The following CSMD1 variants were observed in gnomAD, a reference collection of about 807,000 sequenced individuals.
The protein encoded by CSMD1 is CUB and Sushi multiple domains 1.
A neutral mutation model predicts 417.5 loss-of-function variants in CSMD1; 213 were observed. The observed-to-expected ratio is 0.51, with a 90% CI of 0.46 to 0.57. The LOEUF (loss-of-function observed/expected upper bound fraction) is 0.57, where lower values mean the gene tolerates loss of function less well. CSMD1 is among the 20% of genes least tolerant of loss of function. The probability of loss-of-function intolerance (pLI) is 0.00; values close to 1 mark genes in which losing one functional copy is unlikely to be tolerated. For missense variants in CSMD1, 6,923 were observed against 4,529.7 expected (o/e 1.53, Z -15.17); for synonymous variants, 2,862 against 1,736.8 (o/e 1.65, Z -16.11).
At chr8:3,998,708 C>T (rs1023022880) in intron 4 of CSMD1, among the ~76,000 whole-genome samples, 13 of 151,616 alleles carry the variant, frequency 8.6e-5, no homozygotes, top group Admixed American at 8.5e-4. Flanking sequence ...AAGTGAAAGG[C>T]CAGTAAAGAT....
chr8:4,937,780 G>A lies in CSMD1; in HGVS notation c.85+56552C>T, dbSNP rs200347123. Among the ~76,000 whole-genome samples the A allele has an allele frequency of 2.1e-3, 304 of 144,728 alleles. 1 individual carries two copies. Among genetic ancestry groups the A allele is most frequent in the Admixed American group, 0.014 (205 of 14,364 alleles). The allele number at this position is 144,728 out of a possible 152,430, so 94.9% of individuals were successfully genotyped here. ...AGAGAGAAGTTTCTCACACAGTGGC[G>A]CGTGCACACACACACACACACACAC... On this transcript the variant is annotated intron_variant, in intron 1 of 69. Transcript: ENST00000635120.
intron 6 of CSMD1, 58 bp from the exon 7 acceptor site, chr8:3,708,549 T>C: frequency 4.9e-6 from 7 of 1,439,002 alleles, no homozygotes; most frequent in South Asian, 1.1e-5. Flanking sequence ...TAAAACCATG[T>C]TGTATCCACA....
chr8:3,806,449 G>A (rs7015612), intron 5 of CSMD1, among the ~76,000 whole-genome samples: 58,700 of 151,998 alleles, frequency 0.39, 11,680 homozygotes, highest in East Asian at 0.46. Context: ...GAATAATGAA[G>A]GCAATTTGAA....
chr8:4,426,604 TATAA>T (rs1262523889), intron 2 of CSMD1, among the ~76,000 whole-genome samples: 1 of 107,710 alleles, frequency 9.3e-6, no homozygotes, highest in African/African-American at 3.7e-5. Flanking sequence ...GTATATATAC[TATAA>T]ATTATATTGT....
chr8:4,643,342 G>A (rs979202069), intron 1 of CSMD1, among the ~76,000 whole-genome samples: 22 of 152,246 alleles, frequency 1.4e-4, no homozygotes, highest in Middle Eastern at 3.4e-3. Context: ...AAATTACTGT[G>A]TAAACGAGAA....
intron 1 of CSMD1, among the ~76,000 whole-genome samples, chr8:4,809,165 A>C (rs571503741): frequency 3.4e-4 from 52 of 152,372 alleles, no homozygotes; most frequent in Non-Finnish European, 6.5e-4. Flanking sequence ...ACATACATTC[A>C]TGATAAATAC....
At chr8:3,838,060 A>T (rs1396609209) in intron 5 of CSMD1, among the ~76,000 whole-genome samples, 1 of 152,112 alleles carries the variant, frequency 6.6e-6, no homozygotes, top group African/African-American at 2.4e-5. Flanking sequence ...GTGACTTGGA[A>T]ACGGTTGTAG....
chr8:4,235,132 G>C (rs752670832), intron 3 of CSMD1, among the ~76,000 whole-genome samples: 1 of 152,026 alleles, frequency 6.6e-6, no homozygotes, highest in Non-Finnish European at 1.5e-5. Flanking sequence ...CTAGAAAAAA[G>C]ACTTCCTCCG....
intron 5 of CSMD1, among the ~76,000 whole-genome samples, chr8:3,786,646 G>C (rs181856146): frequency 7.2e-5 from 11 of 152,252 alleles, no homozygotes; most frequent in Middle Eastern, 3.4e-3. Context: ...TAGTTCACTC[G>C]AGATGCTATG....
At chr8:3,986,762 T>TC (rs200118943) in intron 5 of CSMD1, among the ~76,000 whole-genome samples, 1 of 135,234 alleles carries the variant, frequency 7.4e-6, no homozygotes, top group African/African-American at 2.8e-5. Context: ...TTAAGTGATT[T>TC]TTCTTTTTTT....
intron 1 of CSMD1, among the ~76,000 whole-genome samples, chr8:4,833,837 T>G (rs1025750937): frequency 6.6e-6 from 1 of 152,192 alleles, no homozygotes; most frequent in African/African-American, 2.4e-5. Flanking sequence ...AATTGCAAGT[T>G]GGCTACGTTG....
chr8:3,351,594 G>C (rs1808425340), intron 21 of CSMD1, among the ~76,000 whole-genome samples: 1 of 81,556 alleles, frequency 1.2e-5, no homozygotes, highest in Admixed American at 1.7e-4. Flanking sequence ...GTGAGACTCT[G>C]TTTCAAAAAA....
intron 3 of CSMD1, among the ~76,000 whole-genome samples, chr8:4,129,456 G>C (rs1264298171): frequency 2.6e-5 from 4 of 152,120 alleles, no homozygotes; most frequent in Admixed American, 6.5e-5. Flanking sequence ...AGGTGCATGG[G>C]AGATAAAAAT....
chr8:4,065,375 T>C (rs887022186), intron 3 of CSMD1, among the ~76,000 whole-genome samples: 1 of 152,180 alleles, frequency 6.6e-6, no homozygotes, highest in Non-Finnish European at 1.5e-5. Context: ...TAGTAAAAGT[T>C]TATGGTCCTA....
chr8:4,917,419 G>A (rs11136792), intron 1 of CSMD1, among the ~76,000 whole-genome samples: 1 of 151,942 alleles, frequency 6.6e-6, no homozygotes, highest in African/African-American at 2.4e-5. Context: ...CAGACTACAA[G>A]GTCAGGAGAT....
At chr8:3,478,706 G>A (rs988802094) in intron 11 of CSMD1, among the ~76,000 whole-genome samples, 5 of 152,058 alleles carry the variant, frequency 3.3e-5, no homozygotes, top group Non-Finnish European at 7.4e-5. Flanking sequence ...ACCAGACTAC[G>A]CAGCACCACA....
chr8:3,059,308 G>T lies in CSMD1; in HGVS notation c.7475-6661C>A, dbSNP rs375318948. On this transcript the variant is annotated intron_variant, in intron 49 of 69. Coordinates refer to ENST00000635120, the MANE Select transcript of CSMD1 (RefSeq NM_033225.6). Reference sequence around the variant, plus strand: ...CAGGATAAACGTTTACCAAAAACACGAGGGCTTCTGTCTTTATAAGGTGAT... The same window carrying T: ...CAGGATAAACGTTTACCAAAAACACTAGGGCTTCTGTCTTTATAAGGTGAT... Among the ~76,000 whole-genome samples the T allele has an allele frequency of 2.0e-5, 3 of 148,984 alleles. No homozygotes were observed. In the South Asian group the frequency reaches 6.4e-4, roughly 32 times the overall value.
chr8:3,057,845 C>A (rs1371570424), intron 49 of CSMD1, among the ~76,000 whole-genome samples: 1 of 152,164 alleles, frequency 6.6e-6, no homozygotes, highest in Non-Finnish European at 1.5e-5. Flanking sequence ...TTCATAATTT[C>A]ATTTTCAGTT....
chr8:3,119,239 T>G (rs1015521532), intron 41 of CSMD1, among the ~76,000 whole-genome samples: 2 of 149,380 alleles, frequency 1.3e-5, no homozygotes, highest in African/African-American at 4.9e-5. Flanking sequence ...AAATGTTGGG[T>G]GAACATATAC....
Sources: allele counts gnomAD v4.1 joint callset (sites outside exome capture counted in the v4.1 genomes callset), GRCh38; gene constraint gnomAD v4.1.1; transcripts MANE v1.5; gene names NCBI Gene and HGNC (gene_info 2026-07-23, HGNC 2026-07-21).